Variants in DFFB observed in about 807,000 individuals in gnomAD.
The protein encoded by DFFB is DNA fragmentation factor 40 kDa subunit.
A neutral mutation model predicts 32.7 loss-of-function variants in DFFB; 29 were observed. That is an observed-to-expected ratio of 0.89 (90% CI 0.66 to 1.21). The LOEUF (loss-of-function observed/expected upper bound fraction) is 1.21, where lower values mean the gene tolerates loss of function less well. Among genes scored for constraint, DFFB ranks in the 50% most tolerant of loss-of-function variants. The probability of loss-of-function intolerance (pLI) is 0.00; values close to 1 mark genes in which losing one functional copy is unlikely to be tolerated. For missense variants in DFFB, 398 were observed against 440.6 expected, an observed-to-expected ratio of 0.90 and a Z score of 0.87; for synonymous variants, 170 against 177.1, an observed-to-expected ratio of 0.96 and a Z score of 0.32.
At chr1:3,872,739 T>C (rs977301534) in intron 6 of DFFB, among the ~76,000 whole-genome samples, 167 bp downstream of exon 6, 1 of 152,034 alleles carries the variant, frequency 6.6e-6, no homozygotes, top group African/African-American at 2.4e-5. Context: ...AGGGAAGGGG[T>C]ACCTGATGGC....
intron 1 of DFFB, 72 bp from the exon 2 acceptor site, chr1:3,858,646 T>A: frequency 6.4e-7 from 1 of 1,555,734 alleles, no homozygotes; most frequent in South Asian, 1.2e-5. Flanking sequence ...TCCGGTCGTT[T>A]GTGAGGCCTG....
chr1:3,884,065 G>A lies in DFFB; in HGVS notation c.*324G>A, dbSNP rs1342002737. 6.4e-6 allele frequency: 2 copies of A among 310,390 alleles called. No individual in the cohort carries two copies. The highest frequency in any genetic ancestry group is 4.8e-5 in the Admixed American group (1 of 20,968). 19.2% of individuals were successfully genotyped at this position (310,390 alleles called of 1,614,324 possible). On this transcript the variant is annotated 3_prime_UTR_variant, in exon 7 of 7. Transcript: ENST00000378209. The stretch of plus-strand genomic sequence containing the variant: ...CGCCCGGCTAATGTTTGTATTTTTA[G>A]TAGAGACGGGGTTTCACCATGTTGG...
chr1:3,864,924 T>C (rs902231108), intron 2 of DFFB, among the ~76,000 whole-genome samples: 9 of 152,316 alleles, frequency 5.9e-5, no homozygotes, highest in African/African-American at 2.2e-4. Context: ...TCTCTTGTCC[T>C]TTTTCTAATT....
chr1:3,867,844 C>A, intron 3 of DFFB, 130 bp from the exon 4 acceptor site: 4 of 800,338 alleles, frequency 5.0e-6, no homozygotes, highest in South Asian at 1.5e-5. Context: ...CAGAGCAAGA[C>A]CCTGTCAAAA....
intron 6 of DFFB, among the ~76,000 whole-genome samples, chr1:3,876,860 C>G (rs542793382): frequency 2.0e-5 from 3 of 152,378 alleles, no homozygotes; most frequent in African/African-American, 7.2e-5. Flanking sequence ...GGCGCGGGCC[C>G]TGGGGCTCAG....
chr1:3,859,310 GT>G (rs1410309845), intron 2 of DFFB, among the ~76,000 whole-genome samples: 1 of 152,176 alleles, frequency 6.6e-6, no homozygotes, highest in East Asian at 1.9e-4. Flanking sequence ...CAGGGCTCAA[GT>G]TTGGGGGCAA....
At chr1:3,882,477 G>C (rs1241640860) in intron 6 of DFFB, among the ~76,000 whole-genome samples, 1 of 151,594 alleles carries the variant, frequency 6.6e-6, no homozygotes, top group Non-Finnish European at 1.5e-5. Context: ...CAGTTATCCT[G>C]CTTCAGCCTC....
rs370500366 is a variant in DFFB at position 3,857,506 on chromosome 1, C to G, written c.-98C>G. 1 of 803,330 alleles carries G rather than the reference C, an allele frequency of 1.2e-6. No homozygotes were observed. The highest frequency in any genetic ancestry group is 1.9e-6 in the Non-Finnish European group (1 of 540,368). 49.8% of individuals were successfully genotyped at this position (803,330 alleles called of 1,614,324 possible). A position where few individuals can be genotyped will look rare whatever the true frequency, so the allele number is the denominator to read the frequency against. On this transcript the variant is annotated 5_prime_UTR_variant, in exon 1 of 7. Transcript: ENST00000378209. ...GCCTGTGCCAGCTTGCAGAGCTCAC[C>G]AGGTGCAGACCCCTGCGGCCAGGGC...
intron 6 of DFFB, among the ~76,000 whole-genome samples, chr1:3,883,072 T>A (rs892578872): frequency 6.6e-6 from 1 of 151,672 alleles, no homozygotes; most frequent in Non-Finnish European, 1.5e-5. Context: ...GGCGTGATCT[T>A]GGCTCACTGC....
At chr1:3,863,828 A>T (rs763890237) in intron 2 of DFFB, among the ~76,000 whole-genome samples, 6 of 152,032 alleles carry the variant, frequency 3.9e-5, no homozygotes, top group Non-Finnish European at 7.4e-5. Flanking sequence ...GGTTGGGGGT[A>T]GGGTAGAGGG....
At position 3,868,064 on chromosome 1, in the gene DFFB, G is replaced by A. The variant is rs1169960463; in HGVS notation, c.510+11G>A. On this transcript the variant is annotated intron_variant, in intron 4 of 6. Coordinates refer to ENST00000378209, the MANE Select transcript of DFFB (RefSeq NM_004402.4). ...AGTTACCTGAGGGAGGTGAGCCTGA[G>A]TGAAGACCGGGTATGCTGGGCGGGT... 3.2e-5 allele frequency: 52 copies of A among 1,613,636 alleles called. No homozygotes were observed. The highest frequency in any genetic ancestry group is 4.4e-5 in the Non-Finnish European group (52 of 1,179,590).
intron 2 of DFFB, among the ~76,000 whole-genome samples, chr1:3,864,838 C>T (rs890891215): frequency 9.2e-5 from 14 of 152,078 alleles, no homozygotes; most frequent in East Asian, 1.9e-4. Flanking sequence ...CGTGAGCCAC[C>T]GCGCCCAGCC....
chr1:3,863,497 G>C (rs964281314), intron 2 of DFFB, among the ~76,000 whole-genome samples: 7 of 152,138 alleles, frequency 4.6e-5, no homozygotes, highest in Non-Finnish European at 7.3e-5. Context: ...TGACCCAGCA[G>C]CTCCACTCCT....
chr1:3,868,121 C>G, intron 4 of DFFB, 68 bp downstream of exon 4: 2 of 1,400,630 alleles, frequency 1.4e-6, no homozygotes, highest in Admixed American at 1.7e-5. Context: ...GCTCTGGAAG[C>G]CTGTGGTCCT....
chr1:3,860,562 C>A (rs769843122), intron 2 of DFFB: 2 of 332,196 alleles, frequency 6.0e-6, no homozygotes, highest in Admixed American at 3.0e-5. Context: ...GACAGATTCC[C>A]AGGAAGTTGC....
At chr1:3,868,355 T>A (rs540770899) in intron 4 of DFFB, among the ~76,000 whole-genome samples, 63 of 152,162 alleles carry the variant, frequency 4.1e-4, no homozygotes, top group African/African-American at 1.4e-3. Flanking sequence ...GGCTTCTTCC[T>A]GGGCAGCAGT....
intron 5 of DFFB, 138 bp downstream of exon 5, chr1:3,869,913 C>T (rs907624332): frequency 6.7e-6 from 6 of 893,504 alleles, no homozygotes; most frequent in Admixed American, 3.0e-5. Context: ...CCTCACATTC[C>T]CAGGGAGGGC....
At chr1:3,868,818 G>GC (rs1645052091) in intron 4 of DFFB, among the ~76,000 whole-genome samples, 1 of 152,114 alleles carries the variant, frequency 6.6e-6, no homozygotes, top group South Asian at 2.1e-4. Flanking sequence ...TGCGTGGTCG[G>GC]CCCCCACGCC....
intron 6 of DFFB, chr1:3,872,949 A>C (rs1645149862): frequency 8.1e-7 from 1 of 1,227,270 alleles, no homozygotes; most frequent in Admixed American, 2.9e-5. Context: ...GGGTGAGCTC[A>C]GACAGCGGGA....
Sources: gnomAD v4.1 joint callset for allele counts (sites outside exome capture counted in the v4.1 genomes callset) on GRCh38, gnomAD v4.1.1 for gene constraint, MANE v1.5 for transcripts, NCBI Gene and HGNC (gene_info 2026-07-23, HGNC 2026-07-21) for gene names.